The following MN1 variants were observed in gnomAD, a reference collection of about 807,000 sequenced individuals.
MN1 encodes the protein transcriptional activator MN1.
A neutral mutation model predicts 86.9 loss-of-function variants in MN1; 19 were observed. The ratio of observed to expected loss-of-function variants is 0.22; its 90% CI spans 0.15 to 0.32. The LOEUF (loss-of-function observed/expected upper bound fraction) is 0.32, where lower values mean the gene tolerates loss of function less well. Ranked by LOEUF, MN1 falls within the 10% of genes least tolerant of loss-of-function variation. The pLI, the probability that MN1 is intolerant of heterozygous loss-of-function variation, is 1.00. For synonymous variants in MN1, 928 were observed against 849.6 expected (o/e 1.09, Z -1.60); for missense variants, 1,841 against 1,862.0 (o/e 0.99, Z 0.21).
Position 27,748,619 on chromosome 22 carries a change from T to A in MN1, c.*2296A>T, listed in dbSNP as rs1312150086. ...GGAGTCTAGTGTGTAGGGTGTGTTT[T>A]TCATTTACTTTTATTCTTTCCATTA... On this transcript the variant is annotated 3_prime_UTR_variant, in exon 2 of 2. Transcript: ENST00000302326. 9.5e-6 allele frequency: 2 copies of A among 209,988 alleles called. No homozygotes were observed. Among genetic ancestry groups the A allele is most frequent in the African/African-American group, 4.5e-5 (2 of 44,012 alleles). The allele number at this position is 209,988 out of a possible 1,614,324, so 13.0% of individuals were successfully genotyped here. A position where few individuals can be genotyped will look rare whatever the true frequency, so the allele number is the denominator to read the frequency against.
chr22:27,770,995 G>A (rs1227465518), intron 1 of MN1, among the ~76,000 whole-genome samples: 1 of 151,936 alleles, frequency 6.6e-6, no homozygotes, highest in Non-Finnish European at 1.5e-5. Flanking sequence ...CCCATAAAAG[G>A]TATTTCGAGT....
intron 1 of MN1, 42 bp downstream of exon 1, chr22:27,796,721 C>A: frequency 1.3e-6 from 2 of 1,535,242 alleles, no homozygotes; most frequent in Non-Finnish European, 1.8e-6. Context: ...GGGGATGGGG[C>A]GGGTCACCCG....
chr22:27,749,614 C>G lies in MN1; in HGVS notation c.*1301G>C, dbSNP rs1207333577. 1 of 231,798 alleles carries G rather than the reference C, an allele frequency of 4.3e-6. No individual in the cohort carries two copies. The highest frequency in any genetic ancestry group is 8.5e-6 in the Non-Finnish European group (1 of 117,232). The allele number at this position is 231,798 out of a possible 1,614,324, so 14.4% of individuals were successfully genotyped here. On this transcript the variant is annotated 3_prime_UTR_variant, in exon 2 of 2. Coordinates refer to ENST00000302326, the MANE Select transcript of MN1 (RefSeq NM_002430.3). ...TGCTTGGGACATGGCTCTAGTTTTGCAACAGGGTGAGATTCCAAAAAAATG... is the reference window on the plus strand; with the variant it reads ...TGCTTGGGACATGGCTCTAGTTTTGGAACAGGGTGAGATTCCAAAAAAATG...
Position 27,753,739 on chromosome 22 carries a change from G to A in MN1, c.3782-2643C>T, listed in dbSNP as rs142640459. 2.4e-3 allele frequency among the ~76,000 whole-genome samples: 360 copies of A among 152,312 alleles called. 2 individuals carry two copies. Among genetic ancestry groups the A allele is most frequent in the African/African-American group, 8.1e-3 (336 of 41,576 alleles). Reference sequence around the variant, plus strand: ...GAGAAGGTACACCAGGAAGCTTAAGGCATCAGATGCAGGGTTTCTAGGAAC... The same window carrying A: ...GAGAAGGTACACCAGGAAGCTTAAGACATCAGATGCAGGGTTTCTAGGAAC... On this transcript the variant is annotated intron_variant, in intron 1 of 1. Transcript: ENST00000302326.
At chr22:27,767,083 C>G (rs1444118796) in intron 1 of MN1, among the ~76,000 whole-genome samples, 1 of 152,148 alleles carries the variant, frequency 6.6e-6, no homozygotes, top group African/African-American at 2.4e-5. Context: ...GCCATGGCCC[C>G]AAGAGTATGA....
At chr22:27,795,049 A>G (rs1453456090) in intron 1 of MN1, among the ~76,000 whole-genome samples, 4 of 137,502 alleles carry the variant, frequency 2.9e-5, no homozygotes, top group Non-Finnish European at 6.2e-5. Flanking sequence ...GCTGTGTCCA[A>G]CTCGATTTTA....
intron 1 of MN1, among the ~76,000 whole-genome samples, chr22:27,777,587 T>A (rs1274813808): frequency 6.7e-6 from 1 of 149,822 alleles, no homozygotes. Context: ...AGCCCAGCAC[T>A]GTGGCTCATG....
intron 1 of MN1, among the ~76,000 whole-genome samples, chr22:27,776,041 C>T (rs557843244): frequency 6.6e-6 from 1 of 152,294 alleles, no homozygotes; most frequent in African/African-American, 2.4e-5. Context: ...TTTCCTTTAG[C>T]GGAGTTCAGT....
rs139508785 is a variant in MN1 at position 27,792,105 on chromosome 22, A to C, written c.3781+4658T>G. ...GGAAATTTAAATACCTCTGTCAGGC[A>C]AACAAAATCATATCAGGAATCATAG... is the stretch of plus-strand genomic sequence containing the variant. On this transcript the variant is annotated intron_variant, in intron 1 of 1. Transcript: ENST00000302326. Among the ~76,000 whole-genome samples, 100 of 152,232 alleles carry C rather than the reference A, an allele frequency of 6.6e-4. No homozygotes were observed. The East Asian group carries it at 0.017, about 26-fold the overall frequency.
chr22:27,790,687 TG>T (rs368553532), intron 1 of MN1, among the ~76,000 whole-genome samples: 18 of 32,208 alleles, frequency 5.6e-4, no homozygotes, highest in Non-Finnish European at 9.6e-4. Context: ...TGGGGGTAGG[TG>T]GGGGGGGAGT....
Position 27,750,948 on chromosome 22 carries a change from G to GT in MN1, c.3929dup (p.Asn1310LysfsTer42). On this transcript the variant is annotated frameshift_variant, in exon 2 of 2. Transcript: ENST00000302326. LOFTEE classifies it high-confidence loss of function. ...GGGCAGCCACGAATGTCCCAAATCT[G>GT]TTGGAGATGTCAGAATGCAGGGACC... 3 of 1,610,452 alleles carry GT rather than the reference G, an allele frequency of 1.9e-6. No individual in the cohort carries two copies. The highest frequency in any genetic ancestry group is 2.5e-6 in the Non-Finnish European group (3 of 1,178,118).
Position 27,749,703 on chromosome 22 carries a change from C to T in MN1, c.*1212G>A, listed in dbSNP as rs1253555397. The T allele has an allele frequency of 4.3e-6, 1 of 231,520 alleles. No homozygotes were observed. The highest frequency in any genetic ancestry group is 8.5e-6 in the Non-Finnish European group (1 of 117,054). The allele number at this position is 231,520 out of a possible 1,614,324, so 14.3% of individuals were successfully genotyped here. Reference sequence around the variant, plus strand: ...AAAGGCGCAGGAATCAAAGTCATTTCATTCTATTCTCTTTCTCTGTCCTCT... The same window carrying T: ...AAAGGCGCAGGAATCAAAGTCATTTTATTCTATTCTCTTTCTCTGTCCTCT... On this transcript the variant is annotated 3_prime_UTR_variant, in exon 2 of 2. Coordinates refer to ENST00000302326, the MANE Select transcript of MN1 (RefSeq NM_002430.3).
intron 1 of MN1, among the ~76,000 whole-genome samples, chr22:27,771,219 CTTTTTT>C (rs11330963): frequency 5.8e-5 from 5 of 86,642 alleles, no homozygotes; most frequent in Non-Finnish European, 2.2e-5. Context: ...TTTTCCCTAA[CTTTTTT>C]TTTTTTTTTT....
intron 1 of MN1, among the ~76,000 whole-genome samples, chr22:27,759,147 G>A (rs1478766073): frequency 6.6e-6 from 1 of 152,124 alleles, no homozygotes; most frequent in Non-Finnish European, 1.5e-5. Flanking sequence ...TGACTGCAGT[G>A]CTAAGACCTG....
intron 1 of MN1, among the ~76,000 whole-genome samples, chr22:27,755,336 G>A (rs1932795221): frequency 6.6e-6 from 1 of 152,192 alleles, no homozygotes; most frequent in Non-Finnish European, 1.5e-5. Context: ...CCCAGAGGCT[G>A]GGGCAACATC....
chr22:27,773,851 C>T (rs960900527), intron 1 of MN1, among the ~76,000 whole-genome samples: 3 of 152,184 alleles, frequency 2.0e-5, no homozygotes, highest in Non-Finnish European at 4.4e-5. Context: ...GACTGAGTTT[C>T]GCCATGTTGG....
Position 27,797,176 on chromosome 22 carries a change from C to T in MN1, c.3368G>A (p.Gly1123Asp), listed in dbSNP as rs759531060. The T allele has an allele frequency of 3.2e-6, 5 of 1,557,764 alleles. No individual in the cohort carries two copies. The highest frequency in any genetic ancestry group is 2.4e-5 in the East Asian group (1 of 41,674). ...STPDSYGGGG[G>D]PGHPGTPGLE... The stretch of plus-strand genomic sequence containing the variant: ...GCCCGGAGTGCCCGGATGGCCCGGG[C>T]CCCCACCGCCGCCGTAGCTGTCAGG... The change falls in exon 1 of 2, where the codon GGC becomes GAC. Residue 1123 changes from glycine to aspartate, a missense_variant. Transcript: ENST00000302326.
chr22:27,799,381 G>A lies in MN1; in HGVS notation c.1163C>T (p.Thr388Met), dbSNP rs766906739. ...TCCGTCCTGCAGGCCGCCGCTGGGC[G>A]TGCCCGCCTCGCCCTGCTGGGGCCG... is the stretch of plus-strand genomic sequence containing the variant. Reference protein sequence around the residue: ...LPRPQQGEAGTPSGGLQDGGP... With the variant: ...LPRPQQGEAGMPSGGLQDGGP... Residue 388 changes from threonine (T) to methionine (M), a missense_variant, in exon 1 of 2, where the codon ACG (threonine) becomes ATG (methionine). Physicochemically the swap from Thr to Met is moderately conservative, Grantham distance 81 (BLOSUM62 -1). Coordinates refer to ENST00000302326, the MANE Select transcript of MN1 (RefSeq NM_002430.3). 1.9e-6 allele frequency: 3 copies of A among 1,538,858 alleles called. No individual in the cohort carries two copies. Among genetic ancestry groups the A allele is most frequent in the Admixed American group, 2.0e-5 (1 of 50,066 alleles).
chr22:27,771,096 G>A lies in MN1; in HGVS notation c.3782-20000C>T, dbSNP rs183968519. ...AAGCACACTTCATCTGTCAACTTGG[G>A]GGTGGCAAACTACAGCCCAGTGGCC... is the stretch of plus-strand genomic sequence containing the variant. On this transcript the variant is annotated intron_variant, in intron 1 of 1. Transcript: ENST00000302326. Among the ~76,000 whole-genome samples, 257 of 152,110 alleles carry A rather than the reference G, an allele frequency of 1.7e-3. 2 individuals are homozygous for A. The highest frequency in any genetic ancestry group is 1.1e-3 in the Admixed American group (17 of 15,278).
Sources: gnomAD v4.1 joint callset for allele counts (sites outside exome capture counted in the v4.1 genomes callset) on GRCh38, gnomAD v4.1.1 for gene constraint, MANE v1.5 for transcripts, NCBI Gene and HGNC (gene_info 2026-07-23, HGNC 2026-07-21) for gene names.